The following CRISPLD2 variants were observed in gnomAD, a reference collection of about 807,000 sequenced individuals.
The protein encoded by CRISPLD2 is cysteine rich secretory protein LCCL domain containing 2.
A neutral mutation model predicts 71.1 loss-of-function variants in CRISPLD2; 47 were observed. The ratio of observed to expected loss-of-function variants is 0.66; its 90% CI spans 0.52 to 0.84. CRISPLD2 has a LOEUF of 0.84. CRISPLD2 is among the 40% of genes least tolerant of loss of function. CRISPLD2 has a pLI of 0.00. For missense variants in CRISPLD2, 830 were observed against 651.1 expected (o/e 1.27, Z -2.99); for synonymous variants, 317 against 250.1 (o/e 1.27, Z -2.52).
intron 3 of CRISPLD2, among the ~76,000 whole-genome samples, chr16:84,847,426 C>T (rs1916944341): frequency 6.6e-6 from 1 of 152,122 alleles, no homozygotes; most frequent in African/African-American, 2.4e-5. Context: ...CCAAGGTGGG[C>T]AGAATACAAG....
chr16:84,856,819 C>T (rs940151722), intron 6 of CRISPLD2, among the ~76,000 whole-genome samples: 3 of 152,212 alleles, frequency 2.0e-5, no homozygotes, highest in Admixed American at 2.0e-4. Context: ...ATTCCATGAG[C>T]ATGAGCCCAC....
At chr16:84,885,513 C>T (rs778852838) in intron 13 of CRISPLD2, among the ~76,000 whole-genome samples, 9 of 152,232 alleles carry the variant, frequency 5.9e-5, no homozygotes, top group African/African-American at 9.7e-5. Context: ...ACATCAGCCC[C>T]TGCAGGTCCA....
chr16:84,890,803 A>G (rs529508043), intron 14 of CRISPLD2, among the ~76,000 whole-genome samples: 68 of 151,800 alleles, frequency 4.5e-4, no homozygotes, highest in Middle Eastern at 3.4e-3. Context: ...CTCAAAAAAA[A>G]GAAAAAAAGA....
intron 12 of CRISPLD2, among the ~76,000 whole-genome samples, chr16:84,878,471 G>C (rs188776276): frequency 6.6e-5 from 10 of 150,574 alleles, no homozygotes; most frequent in Non-Finnish European, 1.5e-4. Context: ...CTCACTCTGC[G>C]TCATGTGTTG....
At chr16:84,853,147 G>A (rs1917135479) in intron 5 of CRISPLD2, among the ~76,000 whole-genome samples, 1 of 152,206 alleles carries the variant, frequency 6.6e-6, no homozygotes, top group Admixed American at 6.5e-5. Context: ...TGTTAGGGTT[G>A]AGCTGGGAGC....
chr16:84,877,596 TC>T, intron 12 of CRISPLD2, 86 bp downstream of exon 12: 1 of 1,283,766 alleles, frequency 7.8e-7, no homozygotes. Flanking sequence ...ACAGCTGTAA[TC>T]CCAGCACTTT....
At chr16:84,857,720 T>C (rs1383991627) in intron 6 of CRISPLD2, among the ~76,000 whole-genome samples, 1 of 152,180 alleles carries the variant, frequency 6.6e-6, no homozygotes, top group Non-Finnish European at 1.5e-5. Flanking sequence ...CCTAGTCTTT[T>C]TTCATCTGTC....
intron 2 of CRISPLD2, among the ~76,000 whole-genome samples, chr16:84,845,531 C>T (rs115330495): frequency 1.5e-3 from 227 of 152,366 alleles, no homozygotes; most frequent in African/African-American, 5.3e-3. Flanking sequence ...TTCACAGACA[C>T]TGAGGCCCAG....
intron 14 of CRISPLD2, among the ~76,000 whole-genome samples, chr16:84,901,616 C>T (rs913914210): frequency 6.6e-6 from 1 of 150,630 alleles, no homozygotes; most frequent in Non-Finnish European, 1.5e-5. Flanking sequence ...GGATTACAGG[C>T]ATCTGCCACC....
intron 11 of CRISPLD2, among the ~76,000 whole-genome samples, chr16:84,875,257 A>ATGTGTGTGTG (rs138882523): frequency 8.8e-5 from 13 of 148,334 alleles, no homozygotes; most frequent in African/African-American, 2.8e-4. Flanking sequence ...ATATATACAT[A>ATGTGTGTGTG]TGTGTGTGTG....
intron 12 of CRISPLD2, among the ~76,000 whole-genome samples, chr16:84,878,777 C>T (rs990301039): frequency 2.6e-5 from 4 of 152,214 alleles, no homozygotes; most frequent in Admixed American, 2.0e-4. Context: ...GTCTCTGGGA[C>T]GTCCCCACTT....
intron 1 of CRISPLD2, among the ~76,000 whole-genome samples, chr16:84,822,087 G>A (rs938166440): frequency 4.6e-5 from 7 of 152,184 alleles, no homozygotes; most frequent in East Asian, 1.9e-4. Context: ...TTTTTTTAAC[G>A]TTGGCAGGGA....
chr16:84,866,795 A>T, intron 6 of CRISPLD2, 102 bp from the exon 7 acceptor site: 2 of 1,137,782 alleles, frequency 1.8e-6, no homozygotes, highest in Admixed American at 4.2e-5. Context: ...TGTAAAACCA[A>T]ACCTCAAACA....
intron 2 of CRISPLD2, among the ~76,000 whole-genome samples, chr16:84,842,473 A>G (rs1396397240): frequency 6.7e-6 from 1 of 149,614 alleles, no homozygotes; most frequent in Non-Finnish European, 1.5e-5. Flanking sequence ...TTCCCGGTTC[A>G]AGCGACTCTC....
Position 84,840,803 on chromosome 16 carries a change from C to T in CRISPLD2, c.240+2068C>T, listed in dbSNP as rs1253553547. ...GTGATCCACCCACCTCAGCCTCCGA[C>T]AGTGCTGGGATTACAGGCATGAACC... is the stretch of plus-strand genomic sequence containing the variant. On this transcript the variant is annotated intron_variant, in intron 2 of 14. Coordinates refer to ENST00000262424, the MANE Select transcript of CRISPLD2 (RefSeq NM_031476.4). Among the ~76,000 whole-genome samples the T allele has an allele frequency of 2.0e-4, 30 of 152,130 alleles. 1 individual carries two copies. The highest frequency in any genetic ancestry group is 2.0e-3 in the Admixed American group (30 of 15,274).
At chr16:84,905,472 T>C (rs1413060985) in intron 14 of CRISPLD2, among the ~76,000 whole-genome samples, 2 of 152,068 alleles carry the variant, frequency 1.3e-5, no homozygotes, top group African/African-American at 4.8e-5. Context: ...GAATCTTGGC[T>C]CACTGCACAC....
rs752270042 is a variant in CRISPLD2, at chr16:84,849,524, C to G, written c.492+7C>G. 6.2e-7 allele frequency: 1 copy of G among 1,613,196 alleles called. No individual in the cohort carries two copies. The highest frequency in any genetic ancestry group is 8.5e-7 in the Non-Finnish European group (1 of 1,179,432). On this transcript the variant is annotated splice_region_variant and intron_variant, in intron 4 of 14. Coordinates refer to ENST00000262424, the MANE Select transcript of CRISPLD2 (RefSeq NM_031476.4). ...GTGCACGCACTACACACAGGTAACT[C>G]GGGGACTTGCCACGACCTCAGCCCT...
chr16:84,847,375 G>GGT (rs1597455435), intron 3 of CRISPLD2, among the ~76,000 whole-genome samples: 2 of 152,274 alleles, frequency 1.3e-5, no homozygotes, highest in East Asian at 3.9e-4. Context: ...TTACAGGCTG[G>GGT]GCAAGGTGGC....
At chr16:84,885,900 C>T (rs1486476936) in intron 13 of CRISPLD2, among the ~76,000 whole-genome samples, 2 of 144,444 alleles carry the variant, frequency 1.4e-5, no homozygotes, top group East Asian at 4.1e-4. Context: ...CCCACTGTGA[C>T]CTCAACCTCC....
Sources: allele counts gnomAD v4.1 joint callset (sites outside exome capture counted in the v4.1 genomes callset), GRCh38; gene constraint gnomAD v4.1.1; transcripts MANE v1.5; gene names NCBI Gene and HGNC (gene_info 2026-07-23, HGNC 2026-07-21).